Variants in JCAD observed in about 807,000 individuals in gnomAD.
JCAD encodes junctional cadherin 5 associated, also known as junctional cadherin 5-associated protein.
A neutral mutation model predicts 98.0 loss-of-function variants in JCAD; 40 were observed. The ratio of observed to expected loss-of-function variants is 0.41; its 90% confidence interval spans 0.32 to 0.53. The LOEUF is 0.53. Ranked by LOEUF, JCAD falls within the 20% of genes least tolerant of loss-of-function variation. The probability of loss-of-function intolerance (pLI) is 0.31; values close to 1 mark genes in which losing one functional copy is unlikely to be tolerated. For missense variants in JCAD, 1,705 were observed against 1,738.1 expected, an observed-to-expected ratio of 0.98 and a Z score of 0.34; for synonymous variants, 691 against 682.3, an observed-to-expected ratio of 1.01 and a Z score of -0.20.
intron 1 of JCAD, among the ~76,000 whole-genome samples, chr10:30,089,693 A>G (rs191241550): frequency 1.1e-4 from 16 of 152,298 alleles, no homozygotes; most frequent in Middle Eastern, 3.4e-3. Flanking sequence ...GCAGCCAGTG[A>G]CAGTGTCTGA....
chr10:30,069,147 A>G (rs61637466), intron 2 of JCAD, among the ~76,000 whole-genome samples: 2,647 of 152,312 alleles, frequency 0.017, 64 homozygotes, highest in African/African-American at 0.059. Flanking sequence ...GGACAGGTAG[A>G]TGAAACATGT....
At chr10:30,096,864 G>A (rs917677855) in intron 1 of JCAD, among the ~76,000 whole-genome samples, 7 of 152,104 alleles carry the variant, frequency 4.6e-5, no homozygotes, top group African/African-American at 7.2e-5. Context: ...AATTAGCTTC[G>A]AGTCCATTTC....
At chr10:30,036,167 G>C (rs1359437378) in intron 2 of JCAD, among the ~76,000 whole-genome samples, 1 of 152,146 alleles carries the variant, frequency 6.6e-6, no homozygotes, top group Non-Finnish European at 1.5e-5. Context: ...ATTTGGGCTG[G>C]GCACAGTGGC....
At chr10:30,082,658 C>T (rs1336921931) in intron 1 of JCAD, among the ~76,000 whole-genome samples, 4 of 151,846 alleles carry the variant, frequency 2.6e-5, no homozygotes, top group Non-Finnish European at 5.9e-5. Flanking sequence ...TTGAGACCAG[C>T]CTGACCAACA....
intron 1 of JCAD, among the ~76,000 whole-genome samples, chr10:30,077,772 A>G (rs1217407945): frequency 6.6e-6 from 1 of 152,254 alleles, no homozygotes; most frequent in Non-Finnish European, 1.5e-5. Flanking sequence ...GTAAGGCTGA[A>G]TAATCTTCAA....
At chr10:30,091,996 C>G in intron 1 of JCAD, among the ~76,000 whole-genome samples, 1 of 124,052 alleles carries the variant, frequency 8.1e-6, no homozygotes, top group Non-Finnish European at 1.6e-5. Flanking sequence ...CCATTGCACT[C>G]CAGCCTGGGC....
intron 2 of JCAD, among the ~76,000 whole-genome samples, chr10:30,067,846 A>C (rs1450588295): frequency 6.6e-6 from 1 of 152,210 alleles, no homozygotes; most frequent in African/African-American, 2.4e-5. Flanking sequence ...ACACAAACCA[A>C]GGTGGTGTAG....
chr10:30,060,374 A>G (rs557573337), upstream of JCAD, among the ~76,000 whole-genome samples: 34 of 152,276 alleles, frequency 2.2e-4, 1 homozygote, highest in South Asian at 2.3e-3. Flanking sequence ...ACCAGAATGA[A>G]CATTTGGGGT....
intron 2 of JCAD, among the ~76,000 whole-genome samples, chr10:30,067,430 G>A (rs1161692506): frequency 6.6e-6 from 1 of 151,938 alleles, no homozygotes; most frequent in East Asian, 2.0e-4. Flanking sequence ...AGGATCAAGC[G>A]ATCCTCCTGC....
At chr10:30,070,674 T>C (rs762654248) in intron 1 of JCAD, among the ~76,000 whole-genome samples, 1 of 152,164 alleles carries the variant, frequency 6.6e-6, no homozygotes, top group Non-Finnish European at 1.5e-5. Context: ...ACCCCAACTT[T>C]TTTCCCTCCA....
rs943644989 is a variant in JCAD, at chr10:30,015,304, G to A, written c.*2579C>T. 4 of 152,076 alleles carry A rather than the reference G, an allele frequency of 2.6e-5. No individual in the cohort carries two copies. Among genetic ancestry groups the A allele is most frequent in the Non-Finnish European group, 5.9e-5 (4 of 68,006 alleles). 9.4% of individuals were successfully genotyped at this position (152,076 alleles called of 1,614,324 possible). The stretch of plus-strand genomic sequence containing the variant: ...ACTTTTTCTTCCAGCCACAAAAAAC[G>A]AAGTTATGTATGTATGAGAAATAGA... On this transcript the variant is annotated 3_prime_UTR_variant, in exon 4 of 4. Transcript: ENST00000375377.
At chr10:30,059,670 T>C (rs995687585), upstream of JCAD, 10 of 138,186 alleles carry the variant, frequency 7.2e-5, no homozygotes, top group African/African-American at 3.4e-4. This position sits in a 1 kb window ranked among gnomAD's most constrained non-coding sequence, Gnocchi z 5.0. Flanking sequence ...GAGGGCGGTA[T>C]CCAGGCCACG....
At chr10:30,093,733 G>A (rs1172469566) in intron 1 of JCAD, among the ~76,000 whole-genome samples, 1 of 152,214 alleles carries the variant, frequency 6.6e-6, no homozygotes, top group Non-Finnish European at 1.5e-5. Flanking sequence ...CTAGCTCAGA[G>A]ATTCAGCAAG....
At position 30,027,974 on chromosome 10, in the gene JCAD, G is replaced by A. The variant is rs765352123; in HGVS notation, c.2174C>T (p.Pro725Leu). 1 of 1,614,132 alleles carries A rather than the reference G, an allele frequency of 6.2e-7. No homozygotes were observed. Among genetic ancestry groups the A allele is most frequent in the East Asian group, 2.2e-5 (1 of 44,894 alleles). ...GTGCGTCTGAGCTTCGGAGGCAGCA[G>A]GGTCTGAACATTTTGGACTCAATGC... ...RAALSPKCSD[P>L]AASEAQTHTA... The change falls in exon 3 of 4, where the codon CCT becomes CTT. Residue 725 changes from proline (P) to leucine (L), a missense_variant. Physicochemically the swap from Pro to Leu is moderately conservative, Grantham distance 98. This residue lies in a region of JCAD where 1,278 missense variants were observed against 1,243.1 expected (regional missense o/e 1.03). Transcript: ENST00000375377.
intron 1 of JCAD, among the ~76,000 whole-genome samples, chr10:30,092,064 A>AATATATATATATATAT (rs1272095459): frequency 6.8e-4 from 13 of 19,016 alleles, no homozygotes; most frequent in Admixed American, 2.7e-3. Context: ...AAAAAAAAAA[A>AATATATATATATATAT]ATATATATAT....
At chr10:30,054,794 G>C (rs1015378997) in intron 1 of JCAD, among the ~76,000 whole-genome samples, 10 of 151,104 alleles carry the variant, frequency 6.6e-5, no homozygotes, top group Non-Finnish European at 8.9e-5. Context: ...CTCAGCCTCC[G>C]GAGTAGCTGG....
At chr10:30,025,109 G>C (rs1836761539) in intron 3 of JCAD, among the ~76,000 whole-genome samples, 1 of 152,150 alleles carries the variant, frequency 6.6e-6, no homozygotes, top group East Asian at 1.9e-4. Flanking sequence ...GGGGTGGGAG[G>C]AGCAGAACCA....
intron 1 of JCAD, among the ~76,000 whole-genome samples, chr10:30,092,049 A>C (rs1323632661): frequency 1.4e-4 from 4 of 27,794 alleles, no homozygotes; most frequent in East Asian, 1.1e-3. Flanking sequence ...AAAAAAAAAA[A>C]AAAAAAAAAA....
At chr10:30,075,629 A>T (rs1837967545) in intron 1 of JCAD, among the ~76,000 whole-genome samples, 1 of 152,238 alleles carries the variant, frequency 6.6e-6, no homozygotes, top group Non-Finnish European at 1.5e-5. Flanking sequence ...ATTCTTGCAT[A>T]AAATGAAGCC....
Sources: allele counts gnomAD v4.1 joint callset (sites outside exome capture counted in the v4.1 genomes callset), GRCh38; gene constraint gnomAD v4.1.1; regional missense constraint gnomAD v4.1.1; non-coding constraint Gnocchi (gnomAD v3.1); transcripts MANE v1.5; gene names NCBI Gene and HGNC (gene_info 2026-07-23, HGNC 2026-07-21).